Variants in CD86 observed in about 807,000 individuals in gnomAD.
CD86 encodes T-lymphocyte activation antigen CD86.
A neutral mutation model predicts 32.1 loss-of-function variants in CD86; 11 were observed. The observed-to-expected ratio is 0.34, with a 90% CI of 0.22 to 0.57. The LOEUF (loss-of-function observed/expected upper bound fraction) is 0.57, where lower values mean the gene tolerates loss of function less well. Among genes scored for constraint, CD86 ranks in the 20% least tolerant of loss-of-function variants. The probability of loss-of-function intolerance (pLI) is 0.86; values close to 1 mark genes in which losing one functional copy is unlikely to be tolerated. For synonymous variants in CD86, 137 were observed against 135.3 expected (o/e 1.01, Z -0.09); for missense variants, 359 against 398.4 (o/e 0.90, Z 0.84).
At position 122,100,258 on chromosome 3, in the gene CD86, A is replaced by G. The variant is rs114861952; in HGVS notation, c.65-3254A>G. On this transcript the variant is annotated intron_variant, in intron 2 of 6. Coordinates refer to ENST00000330540, the MANE Select transcript of CD86 (RefSeq NM_175862.5). ...GGTAGTGACTTAGTAGCTACAAGCA[A>G]TGAGAAAGTCAGACACCTCAAAAGG... Among the ~76,000 whole-genome samples the G allele has an allele frequency of 5.1e-3, 782 of 152,316 alleles. 6 individuals are homozygous for G. The highest frequency in any genetic ancestry group is 0.017 in the African/African-American group (721 of 41,576).
chr3:122,086,257 C>T (rs553256376), intron 1 of CD86, among the ~76,000 whole-genome samples: 3 of 152,068 alleles, frequency 2.0e-5, no homozygotes, highest in South Asian at 4.2e-4. Context: ...CAGCATTTTT[C>T]CTGATACTCC....
chr3:122,073,340 C>T (rs956874567), intron 1 of CD86, among the ~76,000 whole-genome samples: 11 of 151,784 alleles, frequency 7.2e-5, no homozygotes, highest in Non-Finnish European at 1.3e-4. Context: ...ATGTTCAGAT[C>T]TTTTGCTCCT....
At chr3:122,111,135 T>C (rs1186236503) in intron 5 of CD86, among the ~76,000 whole-genome samples, 1 of 152,142 alleles carries the variant, frequency 6.6e-6, no homozygotes, top group Non-Finnish European at 1.5e-5. Context: ...AGAATATTGG[T>C]AAGAAAAAGT....
chr3:122,068,682 A>G (rs990144200), intron 1 of CD86, among the ~76,000 whole-genome samples: 2 of 152,242 alleles, frequency 1.3e-5, no homozygotes, highest in Non-Finnish European at 2.9e-5. Context: ...GTGCTGCTGT[A>G]TATATTTCAT....
chr3:122,067,319 C>CT (rs2072429198), intron 1 of CD86, among the ~76,000 whole-genome samples: 2 of 152,136 alleles, frequency 1.3e-5, no homozygotes, highest in South Asian at 4.1e-4. Flanking sequence ...GGGAGCCAGC[C>CT]ACAAGGCTGT....
At chr3:122,100,429 A>G (rs893337559) in intron 2 of CD86, among the ~76,000 whole-genome samples, 15 of 152,216 alleles carry the variant, frequency 9.9e-5, no homozygotes, top group African/African-American at 3.4e-4. Context: ...AAGATGTGGG[A>G]GAGTTTCCTT....
chr3:122,057,615 TA>T (rs1262425068), intron 1 of CD86, among the ~76,000 whole-genome samples: 1 of 152,098 alleles, frequency 6.6e-6, no homozygotes, highest in African/African-American at 2.4e-5. Context: ...ATTTAAGATT[TA>T]AAAAAAACAA....
chr3:122,108,979 G>A (rs1395316016), intron 4 of CD86, among the ~76,000 whole-genome samples: 2 of 152,114 alleles, frequency 1.3e-5, no homozygotes, highest in Admixed American at 1.3e-4. Context: ...CAGAATCACG[G>A]GCCAGGCTGA....
At chr3:122,078,142 G>A in intron 1 of CD86, 1 of 712,314 alleles carries the variant, frequency 1.4e-6, no homozygotes, top group Non-Finnish European at 1.7e-6. Flanking sequence ...TGGCCGGCCA[G>A]AGAATGAGTA....
chr3:122,083,682 G>C (rs1006027259), intron 1 of CD86, among the ~76,000 whole-genome samples: 2 of 152,114 alleles, frequency 1.3e-5, no homozygotes, highest in Non-Finnish European at 2.9e-5. Flanking sequence ...CTGATGGATG[G>C]GCTGATCTGG....
chr3:122,101,505 A>T (rs1297543876), intron 2 of CD86, among the ~76,000 whole-genome samples: 1 of 45,476 alleles, frequency 2.2e-5, no homozygotes, highest in African/African-American at 6.8e-5. Flanking sequence ...GAAAAAAAAA[A>T]AAAAAAAAAT....
intron 1 of CD86, chr3:122,086,611 G>A (rs550145818): frequency 1.9e-5 from 9 of 479,344 alleles, no homozygotes; most frequent in South Asian, 1.4e-4. Flanking sequence ...GCTGGTGCCT[G>A]TCCAGGTTAA....
At chr3:122,102,157 A>T (rs574556367) in intron 2 of CD86, among the ~76,000 whole-genome samples, 2 of 152,172 alleles carry the variant, frequency 1.3e-5, no homozygotes, top group East Asian at 3.9e-4. Flanking sequence ...CCCTCTTTCA[A>T]GAGAAACCAC....
At chr3:122,090,042 A>T (rs2072788155) in intron 1 of CD86, among the ~76,000 whole-genome samples, 1 of 152,226 alleles carries the variant, frequency 6.6e-6, no homozygotes, top group African/African-American at 2.4e-5. Flanking sequence ...GGTAACATGT[A>T]ACAGTGATCA....
chr3:122,081,106 A>G (rs534468999), intron 1 of CD86, among the ~76,000 whole-genome samples: 1 of 152,340 alleles, frequency 6.6e-6, no homozygotes, highest in East Asian at 1.9e-4. Flanking sequence ...GTTAAATTAA[A>G]TATGAATTCC....
At chr3:122,108,539 C>T (rs559026317) in intron 4 of CD86, among the ~76,000 whole-genome samples, 1 of 152,138 alleles carries the variant, frequency 6.6e-6, no homozygotes, top group Non-Finnish European at 1.5e-5. Flanking sequence ...GAACTGTTCC[C>T]AAAAATGTCT....
rs1222747200 is a variant in CD86 at position 122,099,622 on chromosome 3, T to A, written c.65-3890T>A. Among the ~76,000 whole-genome samples, 5 of 152,270 alleles carry A rather than the reference T, an allele frequency of 3.3e-5. No individual in the cohort carries two copies. In the East Asian group the frequency reaches 9.6e-4, roughly 29 times the overall value. On this transcript the variant is annotated intron_variant, in intron 2 of 6. Coordinates refer to ENST00000330540, the MANE Select transcript of CD86 (RefSeq NM_175862.5). ...AGTAGAGTGTCCCCAGGGTAAATTT[T>A]ATAGAGACAAAGGGGTGTGTTTATT... is the stretch of plus-strand genomic sequence containing the variant.
chr3:122,092,584 C>G (rs137946200), intron 2 of CD86, among the ~76,000 whole-genome samples: 4 of 152,190 alleles, frequency 2.6e-5, no homozygotes, highest in African/African-American at 9.7e-5. Context: ...GTTTCAGTTT[C>G]TTCATCTATA....
At chr3:122,065,804 C>T (rs1009211919) in intron 1 of CD86, among the ~76,000 whole-genome samples, 33 of 151,970 alleles carry the variant, frequency 2.2e-4, no homozygotes, top group African/African-American at 8.0e-4. Context: ...AGGAAAAGGC[C>T]GTTTGCATTC....
Sources: gnomAD v4.1 joint callset for allele counts (sites outside exome capture counted in the v4.1 genomes callset) on GRCh38, gnomAD v4.1.1 for gene constraint, MANE v1.5 for transcripts, NCBI Gene and HGNC (gene_info 2026-07-23, HGNC 2026-07-21) for gene names.